Variants in NIPAL3 observed in about 807,000 individuals in gnomAD.
NIPAL3 encodes NIPA like domain containing 3, also known as NIPA-like protein 3.
Under a neutral mutation model 47.2 loss-of-function variants are expected in NIPAL3, and 41 were observed. The ratio of observed to expected loss-of-function variants is 0.87; its 90% confidence interval spans 0.68 to 1.13. The LOEUF (loss-of-function observed/expected upper bound fraction) is 1.13. Ranked by LOEUF, NIPAL3 falls within the 50% of genes most tolerant of loss-of-function variation. The pLI, the probability that NIPAL3 is intolerant of heterozygous loss-of-function variation, is 0.00. For missense variants in NIPAL3, 449 were observed against 530.1 expected (o/e 0.85, Z 1.50); for synonymous variants, 194 against 209.6 (o/e 0.93, Z 0.64).
chr1:24,419,606 C>G lies in NIPAL3; in HGVS notation c.59C>G (p.Ser20Cys), dbSNP rs1395383136. 12 of 1,613,950 alleles carry G rather than the reference C, an allele frequency of 7.4e-6. No homozygotes were observed. The highest frequency in any genetic ancestry group is 1.0e-5 in the Non-Finnish European group (12 of 1,179,984). Residue 20 changes from serine (S) to cysteine (C), a missense_variant, in exon 2 of 12, where the codon TCC (serine) becomes TGC (cysteine). Ser to Cys is a moderately radical substitution (Grantham distance 112, BLOSUM62 -1). Coordinates refer to ENST00000374399, the MANE Select transcript of NIPAL3 (RefSeq NM_020448.5). ...KLQQLPPTSS[S>C]SAVSEASFSY... ...CAGCAGCTGCCTCCCACAAGTAGCTCCAGCGCCGTAAGCGAGGCCTCCTTC... is the reference window on the plus strand; with the variant it reads ...CAGCAGCTGCCTCCCACAAGTAGCTGCAGCGCCGTAAGCGAGGCCTCCTTC...
intron 2 of NIPAL3, among the ~76,000 whole-genome samples, chr1:24,431,325 G>C (rs1034407933): frequency 6.6e-6 from 1 of 152,138 alleles, no homozygotes; most frequent in Admixed American, 6.6e-5. Context: ...GCCTTTCTTT[G>C]ATCAAACGGG....
intron 5 of NIPAL3, among the ~76,000 whole-genome samples, chr1:24,445,570 A>C (rs1645619408): frequency 6.6e-6 from 1 of 152,228 alleles, no homozygotes; most frequent in Non-Finnish European, 1.5e-5. Context: ...AATGGGAGTC[A>C]AACACAGATG....
intron 2 of NIPAL3, among the ~76,000 whole-genome samples, chr1:24,433,991 A>G (rs940422414): frequency 2.0e-5 from 3 of 152,202 alleles, no homozygotes; most frequent in Non-Finnish European, 4.4e-5. Flanking sequence ...ATGGCACACT[A>G]GAAAACATAT....
At chr1:24,439,495 A>G (rs1018543292) in intron 2 of NIPAL3, among the ~76,000 whole-genome samples, 35 of 152,302 alleles carry the variant, frequency 2.3e-4, no homozygotes, top group Admixed American at 1.8e-3. Flanking sequence ...TCTCTGGGTT[A>G]TAGAATTAAA....
At chr1:24,447,083 G>A (rs1331475251) in intron 5 of NIPAL3, among the ~76,000 whole-genome samples, 2 of 152,210 alleles carry the variant, frequency 1.3e-5, no homozygotes, top group African/African-American at 4.8e-5. Context: ...GAGACATGGA[G>A]GACTGGCTGA....
At position 24,468,337 on chromosome 1, in the gene NIPAL3, T is replaced by C. The variant is rs140677099; in HGVS notation, c.1022-649T>C. The stretch of plus-strand genomic sequence containing the variant: ...CTCAATAAATAAATAAATAAATAAA[T>C]AAACAAACAAACTGCGTCCCTCCTG... On this transcript the variant is annotated intron_variant, in intron 11 of 11. Transcript: ENST00000374399. 6.6e-4 allele frequency among the ~76,000 whole-genome samples: 101 copies of C among 151,992 alleles called. 1 individual carries two copies. Among genetic ancestry groups the C allele is most frequent in the Middle Eastern group, 6.8e-3 (2 of 292 alleles).
chr1:24,448,459 C>T (rs980037589), intron 5 of NIPAL3, among the ~76,000 whole-genome samples: 4 of 152,038 alleles, frequency 2.6e-5, no homozygotes, highest in Non-Finnish European at 5.9e-5. Context: ...GTTCCCTTGG[C>T]GTTAGGTTAA....
Position 24,471,334 on chromosome 1 carries a change from G to A in NIPAL3, c.*2149G>A, listed in dbSNP as rs1049241021. 1.3e-5 allele frequency: 2 copies of A among 152,586 alleles called. No homozygotes were observed. The highest frequency in any genetic ancestry group is 4.8e-5 in the African/African-American group (2 of 41,450). The allele number at this position is 152,586 out of a possible 1,614,324, so 9.5% of individuals were successfully genotyped here. A position where few individuals can be genotyped will look rare whatever the true frequency, so the allele number is the denominator to read the frequency against. On this transcript the variant is annotated 3_prime_UTR_variant, in exon 12 of 12. Coordinates refer to ENST00000374399, the MANE Select transcript of NIPAL3 (RefSeq NM_020448.5). ...CATGCCTGCAATCCCAGCACTTTGG[G>A]AGGCCAAGGCTGGAGGATCACTTGA...
rs78397263 is a variant in NIPAL3, at chr1:24,432,535, C to T, written c.94-7637C>T. Among the ~76,000 whole-genome samples the T allele has an allele frequency of 4.1e-3, 630 of 152,326 alleles. 5 individuals are homozygous for T. Among genetic ancestry groups the T allele is most frequent in the African/African-American group, 0.014 (593 of 41,550 alleles). On this transcript the variant is annotated intron_variant, in intron 2 of 11. Transcript: ENST00000374399. The stretch of plus-strand genomic sequence containing the variant: ...AGCTACTATTTATTCAATACCTACC[C>T]TGTTCCAGGCCTGTTATAGAGCTTT...
chr1:24,470,987 C>T lies in NIPAL3; in HGVS notation c.*1802C>T, dbSNP rs1044910907. Reference sequence around the variant, plus strand: ...TGCCCTCCAGGCCAGCAGAGGGAGGCACAAATACCCAGGAATCTCTGATGG... The same window carrying T: ...TGCCCTCCAGGCCAGCAGAGGGAGGTACAAATACCCAGGAATCTCTGATGG... On this transcript the variant is annotated 3_prime_UTR_variant, in exon 12 of 12. Transcript: ENST00000374399. 6.6e-6 allele frequency: 1 copy of T among 152,198 alleles called. No homozygotes were observed. The highest frequency in any genetic ancestry group is 2.4e-5 in the African/African-American group (1 of 41,426). 9.4% of individuals were successfully genotyped at this position (152,198 alleles called of 1,614,324 possible). A position where few individuals can be genotyped will look rare whatever the true frequency, so the allele number is the denominator to read the frequency against.
intron 2 of NIPAL3, among the ~76,000 whole-genome samples, chr1:24,439,946 C>T (rs1037220966): frequency 3.3e-5 from 5 of 152,250 alleles, no homozygotes; most frequent in African/African-American, 7.2e-5. Flanking sequence ...TCAGTGTGAT[C>T]GGGCCACCAA....
At chr1:24,450,622 A>G (rs1645892146) in intron 6 of NIPAL3, among the ~76,000 whole-genome samples, 1 of 152,202 alleles carries the variant, frequency 6.6e-6, no homozygotes, top group Non-Finnish European at 1.5e-5. Flanking sequence ...TTAACCCTGT[A>G]AAGTAAATGT....
intron 5 of NIPAL3, among the ~76,000 whole-genome samples, chr1:24,446,069 C>CTGT (rs58526442): frequency 0.014 from 2,002 of 147,798 alleles, 37 homozygotes; most frequent in African/African-American, 0.037. Flanking sequence ...AGATTATAGT[C>CTGT]GTGTGTGTGT....
intron 2 of NIPAL3, among the ~76,000 whole-genome samples, chr1:24,438,737 G>A (rs1194934789): frequency 6.6e-6 from 1 of 152,256 alleles, no homozygotes; most frequent in African/African-American, 2.4e-5. Context: ...TAAAGAATGG[G>A]CAGGATTTCA....
chr1:24,418,727 A>G (rs1408412233), intron 1 of NIPAL3, among the ~76,000 whole-genome samples: 1 of 152,090 alleles, frequency 6.6e-6, no homozygotes, highest in African/African-American at 2.4e-5. Flanking sequence ...AGAGGAGGCA[A>G]CTGAATCTCT....
intron 10 of NIPAL3, among the ~76,000 whole-genome samples, chr1:24,462,627 C>T (rs923688963): frequency 4.6e-5 from 7 of 151,796 alleles, no homozygotes; most frequent in African/African-American, 1.2e-4. Flanking sequence ...ATTAGCCAGG[C>T]GTGGTGGCTT....
intron 11 of NIPAL3, chr1:24,466,173 C>A: frequency 7.2e-7 from 1 of 1,388,854 alleles, no homozygotes; most frequent in Non-Finnish European, 9.9e-7. Context: ...GCACTCTCAG[C>A]CAGGCCTTGG....
In NIPAL3 at chr1:24,454,241, T is replaced by C; in HGVS notation, c.637+737T>C. On this transcript the variant is annotated intron_variant, in intron 7 of 11. Coordinates refer to ENST00000374399, the MANE Select transcript of NIPAL3 (RefSeq NM_020448.5). The surrounding 1 kb of genome is among the most constrained non-coding windows in gnomAD (Gnocchi z 4.1). ...AAATAGAGCTGTGGGGAATCCATCC[T>C]TCCTGAGGAGAAGCAGACAGAGGCG... is the stretch of plus-strand genomic sequence containing the variant. The C allele has an allele frequency of 8.5e-7, 1 of 1,174,568 alleles. No individual in the cohort carries two copies. The highest frequency in any genetic ancestry group is 1.1e-6 in the Non-Finnish European group (1 of 937,108). 72.8% of individuals were successfully genotyped at this position (1,174,568 alleles called of 1,614,324 possible).
intron 2 of NIPAL3, among the ~76,000 whole-genome samples, chr1:24,425,327 T>A (rs1015905649): frequency 2.8e-4 from 42 of 150,938 alleles, no homozygotes; most frequent in African/African-American, 2.7e-4. Flanking sequence ...CGATTTTTTT[T>A]AAGCTCATCA....
Sources: allele counts gnomAD v4.1 joint callset (sites outside exome capture counted in the v4.1 genomes callset), GRCh38; gene constraint gnomAD v4.1.1; non-coding constraint Gnocchi (gnomAD v3.1); transcripts MANE v1.5; gene names NCBI Gene and HGNC (gene_info 2026-07-23, HGNC 2026-07-21).